RARB: variants seen among roughly 807,000 people sequenced by gnomAD.
RARB encodes the protein HBV-activated protein.
Under a neutral mutation model 51.9 loss-of-function variants are expected in RARB, and 17 were observed. The ratio of observed to expected loss-of-function variants is 0.33; its 90% CI spans 0.22 to 0.49. RARB has a LOEUF of 0.49. RARB is among the 20% of genes least tolerant of loss of function. The probability of loss-of-function intolerance (pLI) is 0.99; values close to 1 mark genes in which losing one functional copy is unlikely to be tolerated. For missense variants in RARB, 369 were observed against 550.8 expected, an observed-to-expected ratio of 0.67 and a Z score of 3.30; for synonymous variants, 215 against 195.4, an observed-to-expected ratio of 1.10 and a Z score of -0.84.
At chr3:24,830,949 G>A (rs1702274123) in intron 1 of RARB, among the ~76,000 whole-genome samples, 1 of 152,092 alleles carries the variant, frequency 6.6e-6, no homozygotes, top group African/African-American at 2.4e-5. Flanking sequence ...CAGGATGGGG[G>A]TGCAATAAGT....
chr3:25,288,968 C>A (rs1280343654), intron 5 of RARB, among the ~76,000 whole-genome samples: 2 of 152,150 alleles, frequency 1.3e-5, no homozygotes, highest in Non-Finnish European at 2.9e-5. Context: ...ATTTGGAGAC[C>A]TTAATTTCTG....
chr3:25,072,700 C>G (rs1354975231), intron 3 of RARB, among the ~76,000 whole-genome samples: 1 of 150,938 alleles, frequency 6.6e-6, no homozygotes, highest in Non-Finnish European at 1.5e-5. Context: ...AGGAGGGTTT[C>G]TTTAATTTTT....
At chr3:25,470,976 TAA>T (rs1695657964) in intron 2 of RARB, among the ~76,000 whole-genome samples, 1 of 152,202 alleles carries the variant, frequency 6.6e-6, no homozygotes, top group African/African-American at 2.4e-5. Flanking sequence ...GCTTTTATCA[TAA>T]GTTATATCTA....
At chr3:25,221,100 GA>G (rs1701938106) in intron 5 of RARB, among the ~76,000 whole-genome samples, 2 of 149,536 alleles carry the variant, frequency 1.3e-5, no homozygotes, top group African/African-American at 5.1e-5. Context: ...GACAAAAAAA[GA>G]AGTGGATTTT....
chr3:25,419,201 CCTTT>C (rs1707791211), intron 5 of RARB, among the ~76,000 whole-genome samples: 1 of 152,038 alleles, frequency 6.6e-6, no homozygotes, highest in Non-Finnish European at 1.5e-5. Context: ...CAACGATGTT[CCTTT>C]CTTATGTATA....
chr3:24,989,464 C>T (rs547633402), intron 2 of RARB, among the ~76,000 whole-genome samples: 2 of 43,380 alleles, frequency 4.6e-5, no homozygotes, highest in Non-Finnish European at 8.7e-5. Context: ...GCAATATACT[C>T]GAGTTTCCAC....
At chr3:25,425,659 C>G (rs1031129984), upstream of RARB, among the ~76,000 whole-genome samples, 8 of 152,142 alleles carry the variant, frequency 5.3e-5, no homozygotes, top group Admixed American at 5.2e-4. Flanking sequence ...AAGAAAACAT[C>G]GAGTCGCCCA....
intron 3 of RARB, among the ~76,000 whole-genome samples, chr3:25,125,345 C>G (rs80286805): frequency 2.5e-3 from 379 of 152,282 alleles, no homozygotes; most frequent in African/African-American, 8.6e-3. Flanking sequence ...CACTAAGCAG[C>G]TGGTATTTAT....
intron 1 of RARB, among the ~76,000 whole-genome samples, chr3:25,434,458 A>G (rs148079006): frequency 1.0e-3 from 153 of 152,086 alleles, no homozygotes; most frequent in African/African-American, 3.5e-3. Context: ...TCCACTCACA[A>G]ACCTCGCCAA....
intron 5 of RARB, among the ~76,000 whole-genome samples, chr3:25,280,395 G>C (rs552219236): frequency 6.6e-6 from 1 of 152,216 alleles, no homozygotes; most frequent in Admixed American, 6.5e-5. Context: ...TGCTTCTGCT[G>C]TTTTCTCAAA....
intron 5 of RARB, among the ~76,000 whole-genome samples, chr3:25,582,284 C>G (rs1269718380): frequency 1.3e-5 from 2 of 152,146 alleles, no homozygotes; most frequent in African/African-American, 2.4e-5. Context: ...TCCCCTAAAC[C>G]TCATAACACT....
intron 2 of RARB, among the ~76,000 whole-genome samples, chr3:25,025,396 AAAC>A (rs1220809618): frequency 1.3e-5 from 2 of 152,188 alleles, no homozygotes; most frequent in African/African-American, 4.8e-5. Context: ...GTGTCAAACT[AAAC>A]TGTATAGACT....
intron 2 of RARB, among the ~76,000 whole-genome samples, chr3:24,919,384 G>A (rs1339482077): frequency 2.6e-5 from 4 of 152,136 alleles, no homozygotes; most frequent in African/African-American, 4.8e-5. Context: ...ATGCAGGTGC[G>A]AACAGACTGT....
At chr3:25,474,255 A>G (rs904274071) in intron 2 of RARB, among the ~76,000 whole-genome samples, 1 of 152,174 alleles carries the variant, frequency 6.6e-6, no homozygotes, top group Non-Finnish European at 1.5e-5. Flanking sequence ...TCATCTGACT[A>G]TTCCTCAGGG....
At position 25,204,358 on chromosome 3, in the gene RARB, C is replaced by A. The variant is rs192411140; in HGVS notation, c.178+29783C>A. Among the ~76,000 whole-genome samples, 617 of 152,272 alleles carry A rather than the reference C, an allele frequency of 4.1e-3. 8 individuals carry two copies. Among genetic ancestry groups the A allele is most frequent in the Non-Finnish European group, 7.3e-3 (494 of 68,036 alleles). On this transcript the variant is annotated intron_variant, in intron 5 of 11. Transcript: ENST00000383772. ...TTTTTCAAGGTTTTTAACTTCTTTG[C>A]CACGAGTTTGAACTTCTTCCTTTAG...
intron 5 of RARB, among the ~76,000 whole-genome samples, chr3:25,203,852 T>C (rs1005186149): frequency 6.6e-6 from 1 of 152,336 alleles, no homozygotes; most frequent in African/African-American, 2.4e-5. Context: ...TTTCTCTCTG[T>C]CTGCCCTTAA....
At position 25,586,798 on chromosome 3, in the gene RARB, G is replaced by C. The variant is rs149645079; in HGVS notation, c.786+6076G>C. 7.9e-5 allele frequency among the ~76,000 whole-genome samples: 12 copies of C among 152,316 alleles called. No homozygotes were observed. In the East Asian group the frequency reaches 2.3e-3, roughly 29 times the overall value. ...CTTCCTGGGGACTCAGTAGAGACAA[G>C]AGCCCAGGCTGGTGGGGAGCGAGCT... On this transcript the variant is annotated intron_variant, in intron 5 of 7. Coordinates refer to ENST00000330688, the MANE Select transcript of RARB (RefSeq NM_000965.5).
intron 5 of RARB, among the ~76,000 whole-genome samples, chr3:25,336,765 A>G (rs1363992638): frequency 1.3e-5 from 2 of 152,142 alleles, no homozygotes; most frequent in African/African-American, 4.8e-5. Flanking sequence ...TGGCCAAGCA[A>G]TACCGGGAGA....
At chr3:25,214,746 C>CG (rs1422835893) in intron 5 of RARB, among the ~76,000 whole-genome samples, 1 of 152,214 alleles carries the variant, frequency 6.6e-6, no homozygotes, top group Non-Finnish European at 1.5e-5. Context: ...TCTTTTTGAA[C>CG]ATTGCTTCCC....
Sources: gnomAD v4.1 joint callset for allele counts (sites outside exome capture counted in the v4.1 genomes callset) on GRCh38, gnomAD v4.1.1 for gene constraint, MANE v1.5 for transcripts, NCBI Gene and HGNC (gene_info 2026-07-23, HGNC 2026-07-21) for gene names.